The following DGKI variants were observed in gnomAD, a reference collection of about 807,000 sequenced individuals.
DGKI encodes diacylglycerol kinase iota, also known as DAG kinase iota.
DGKI carries 55 observed loss-of-function variants against 147.5 expected under a neutral mutation model. That is an observed-to-expected ratio of 0.37 (90% CI 0.30 to 0.47). The LOEUF is 0.47. Among genes scored for constraint, DGKI ranks in the 20% least tolerant of loss-of-function variants. The pLI is 1.00. For missense variants in DGKI, 1,007 were observed against 1,323.8 expected, an observed-to-expected ratio of 0.76 and a Z score of 3.71; for synonymous variants, 469 against 477.1, an observed-to-expected ratio of 0.98 and a Z score of 0.22.
At chr7:137,431,410 C>A (rs1306412064) in intron 28 of DGKI, among the ~76,000 whole-genome samples, 2 of 152,108 alleles carry the variant, frequency 1.3e-5, no homozygotes, top group Non-Finnish European at 2.9e-5. Flanking sequence ...AAAGCTGGAA[C>A]CTGCATTATT....
rs1031515536 is a variant in DGKI at position 137,383,205 on chromosome 7, G to A, written c.*8015C>T. 1 of 150,910 alleles carries A rather than the reference G, an allele frequency of 6.6e-6. No homozygotes were observed. Among genetic ancestry groups the A allele is most frequent in the South Asian group, 2.1e-4 (1 of 4,750 alleles). 9.3% of individuals were successfully genotyped at this position (150,910 alleles called of 1,614,324 possible). A position where few individuals can be genotyped will look rare whatever the true frequency, so the allele number is the denominator to read the frequency against. On this transcript the variant is annotated 3_prime_UTR_variant, in exon 33 of 33. Transcript: ENST00000614521. ...AACATATCTTTTTTAGGAGATTTGG[G>A]AATTGGCTAACAATTGGCAAAATTG...
At chr7:137,504,482 G>C (rs1186319829) in intron 21 of DGKI, among the ~76,000 whole-genome samples, 1 of 151,964 alleles carries the variant, frequency 6.6e-6, no homozygotes, top group Non-Finnish European at 1.5e-5. Flanking sequence ...TTTTAAAAAA[G>C]GTTATCACCT....
intron 28 of DGKI, among the ~76,000 whole-genome samples, chr7:137,418,640 TCA>T (rs1585094718): frequency 1.6e-5 from 2 of 128,782 alleles, no homozygotes; most frequent in East Asian, 7.6e-4. Flanking sequence ...TCTTTCATAT[TCA>T]GTTATTTTTT....
At chr7:137,752,700 G>C (rs563371547) in intron 1 of DGKI, among the ~76,000 whole-genome samples, 5 of 152,072 alleles carry the variant, frequency 3.3e-5, no homozygotes, top group African/African-American at 4.8e-5. Context: ...TTGCTCAATC[G>C]ATCACGACCC....
chr7:137,459,218 G>A (rs531362898), intron 27 of DGKI, among the ~76,000 whole-genome samples: 1 of 152,172 alleles, frequency 6.6e-6, no homozygotes, highest in Non-Finnish European at 1.5e-5. Context: ...GAAAAAGGGA[G>A]GTTGATGGAT....
At position 137,519,013 on chromosome 7, in the gene DGKI, C is replaced by T. The variant is rs149739141; in HGVS notation, c.2248+2853G>A. Among the ~76,000 whole-genome samples the T allele has an allele frequency of 6.5e-3, 987 of 152,088 alleles. 3 individuals carry two copies. Among genetic ancestry groups the T allele is most frequent in the Middle Eastern group, 0.024 (7 of 294 alleles). On this transcript the variant is annotated intron_variant, in intron 21 of 32. Coordinates refer to ENST00000614521, the MANE Select transcript of DGKI (RefSeq NM_001321708.2). ...GACTGTCCCCTCTTGCAAACCACAA[C>T]TATTATCTGAGGGTTGATAAATCCT...
intron 19 of DGKI, among the ~76,000 whole-genome samples, chr7:137,555,601 T>C (rs747603321): frequency 6.6e-6 from 1 of 152,068 alleles, no homozygotes; most frequent in Non-Finnish European, 1.5e-5. Flanking sequence ...CATGCAGGAA[T>C]TTTAGGAAAA....
At chr7:137,761,941 C>T (rs1445513034) in intron 1 of DGKI, among the ~76,000 whole-genome samples, 4 of 152,176 alleles carry the variant, frequency 2.6e-5, no homozygotes, top group African/African-American at 4.8e-5. Context: ...AAACTGGTGC[C>T]GTCAATCACC....
intron 28 of DGKI, among the ~76,000 whole-genome samples, chr7:137,432,965 A>G (rs1407334944): frequency 6.6e-6 from 1 of 152,176 alleles, no homozygotes; most frequent in Admixed American, 6.5e-5. Flanking sequence ...GAACTTCTGG[A>G]AAGTATTATG....
intron 28 of DGKI, among the ~76,000 whole-genome samples, chr7:137,427,837 C>G (rs1812885734): frequency 6.6e-6 from 1 of 152,136 alleles, no homozygotes. Context: ...TACACCCTCC[C>G]AAGACTAAAC....
rs774749609 is a variant in DGKI at position 137,587,222 on chromosome 7, TC to T, written c.1312-13del. ...AGGATCCAGCCCACCTACAGGCGTA[TC>T]GGGGGCCAGAAGAGATATAAGAAAG... On this transcript the variant is annotated splice_polypyrimidine_tract_variant and intron_variant, in intron 12 of 32. Coordinates refer to ENST00000614521, the MANE Select transcript of DGKI (RefSeq NM_001321708.2). 66 of 1,596,682 alleles carry T rather than the reference TC, an allele frequency of 4.1e-5. 1 individual carries two copies. In the South Asian group the frequency reaches 7.4e-4, roughly 18 times the overall value.
chr7:137,806,180 G>C (rs371530716), intron 1 of DGKI, among the ~76,000 whole-genome samples: 1 of 152,202 alleles, frequency 6.6e-6, no homozygotes, highest in Non-Finnish European at 1.5e-5. Context: ...CGAGAAAAAC[G>C]GAGATATCAG....
intron 6 of DGKI, among the ~76,000 whole-genome samples, chr7:137,636,709 G>C (rs1821324793): frequency 6.6e-6 from 1 of 152,214 alleles, no homozygotes; most frequent in African/African-American, 2.4e-5. Context: ...CCCAGTGTTG[G>C]AAGTGGGAAC....
intron 20 of DGKI, among the ~76,000 whole-genome samples, chr7:137,546,549 T>C (rs548494950): frequency 2.2e-4 from 34 of 152,346 alleles, no homozygotes; most frequent in African/African-American, 6.7e-4. Flanking sequence ...GAAAGTCTAA[T>C]TGTATCACTG....
intron 14 of DGKI, among the ~76,000 whole-genome samples, chr7:137,584,446 C>A (rs895607251): frequency 8.5e-5 from 13 of 152,122 alleles, no homozygotes; most frequent in African/African-American, 2.4e-4. Flanking sequence ...ATTCATATAT[C>A]CCTTGGTTTG....
In DGKI at chr7:137,559,062, C is replaced by CTTTTTT. The variant is rs71177910; in HGVS notation, c.1948-6500_1948-6495dup. ...ATGATTCTAGGTTGTACCTACAATT[C>CTTTTTT]TTTTTTTTTTTTTTTTTTTTTTTTT... On this transcript the variant is annotated intron_variant, in intron 19 of 32. Coordinates refer to ENST00000614521, the MANE Select transcript of DGKI (RefSeq NM_001321708.2). 2.2e-4 allele frequency among the ~76,000 whole-genome samples: 18 copies of CTTTTTT among 83,612 alleles called. 3 individuals carry two copies. Among genetic ancestry groups the CTTTTTT allele is most frequent in the African/African-American group, 8.4e-4 (15 of 17,812 alleles). 54.9% of individuals were successfully genotyped at this position (83,612 alleles called of 152,430 possible).
chr7:137,473,747 A>G (rs1815067206), intron 23 of DGKI, among the ~76,000 whole-genome samples: 1 of 152,164 alleles, frequency 6.6e-6, no homozygotes, highest in Non-Finnish European at 1.5e-5. Context: ...ATTTCCATCC[A>G]TAGTCTCTCC....
At chr7:137,615,531 A>ATGTGTGTGTGTGTG (rs5887846) in intron 8 of DGKI, among the ~76,000 whole-genome samples, 12 of 135,868 alleles carry the variant, frequency 8.8e-5, no homozygotes, top group African/African-American at 2.4e-4. Context: ...ATATGTATGT[A>ATGTGTGTGTGTGTG]TGTGTGTGTG....
intron 6 of DGKI, among the ~76,000 whole-genome samples, chr7:137,640,670 C>T (rs758598732): frequency 2.0e-5 from 3 of 152,096 alleles, no homozygotes; most frequent in Non-Finnish European, 4.4e-5. Context: ...TCAGTATTTT[C>T]CATTATTTTT....
Sources: allele counts gnomAD v4.1 joint callset (sites outside exome capture counted in the v4.1 genomes callset), GRCh38; gene constraint gnomAD v4.1.1; transcripts MANE v1.5; gene names NCBI Gene and HGNC (gene_info 2026-07-23, HGNC 2026-07-21).